ULBP2: variants seen among roughly 807,000 people sequenced by gnomAD.
ULBP2 encodes the protein UL16-binding protein 2.
A neutral mutation model predicts 23.6 loss-of-function variants in ULBP2; 21 were observed. That is an observed-to-expected ratio of 0.89 (90% confidence interval 0.63 to 1.28). The LOEUF (loss-of-function observed/expected upper bound fraction) is 1.28, where lower values mean the gene tolerates loss of function less well. Among genes scored for constraint, ULBP2 ranks in the 50% most tolerant of loss-of-function variants. ULBP2 has a pLI of 0.00. For missense variants in ULBP2, 251 were observed against 306.0 expected, an observed-to-expected ratio of 0.82 and a Z score of 1.34; for synonymous variants, 82 against 112.8, an observed-to-expected ratio of 0.73 and a Z score of 1.73.
At position 149,945,440 on chromosome 6, in the gene ULBP2, C is replaced by T. The variant is rs543109817; in HGVS notation, c.217C>T (p.Pro73Ser). The T allele has an allele frequency of 6.2e-7, 1 of 1,613,982 alleles. No homozygotes were observed. Among genetic ancestry groups the T allele is most frequent in the Non-Finnish European group, 8.5e-7 (1 of 1,179,890 alleles). The change falls in exon 2 of 5, where the codon CCT becomes TCT. Residue 73 changes from proline (P) to serine (S), a missense_variant. Physicochemically the swap from Pro to Ser is moderately conservative, Grantham distance 74. This residue lies in a region of ULBP2 where 248 missense variants were observed against 258.9 expected (regional missense o/e 0.96). Transcript: ENST00000367351. ...HYDCGNKTVTPVSPLGKKLNV... is the reference protein window; with the variant it reads ...HYDCGNKTVTSVSPLGKKLNV... The stretch of plus-strand genomic sequence containing the variant: ...TGACTGTGGCAACAAGACAGTCACA[C>T]CTGTCAGTCCCCTGGGGAAGAAACT...
chr6:149,943,849 G>T (rs922479463), intron 1 of ULBP2, among the ~76,000 whole-genome samples: 1 of 152,022 alleles, frequency 6.6e-6, no homozygotes, highest in Non-Finnish European at 1.5e-5. Context: ...ATTAGACATT[G>T]TGACCACATG....
rs1353664452 is a variant in ULBP2 at position 149,946,017 on chromosome 6, C to T, written c.350-355C>T. Among the ~76,000 whole-genome samples the T allele has an allele frequency of 7.4e-5, 11 of 148,994 alleles. 1 individual carries two copies. Among genetic ancestry groups the T allele is most frequent in the Non-Finnish European group, 1.3e-4 (9 of 67,758 alleles). On this transcript the variant is annotated intron_variant, in intron 2 of 4. Transcript: ENST00000367351. ...CAGCATTTTGGGAGGCTGAGGCAGG[C>T]GGATCACGAGGTTAAGAGATCGAGA...
intron 3 of ULBP2, 91 bp downstream of exon 3, chr6:149,946,744 A>T: frequency 1.3e-6 from 2 of 1,571,420 alleles, no homozygotes; most frequent in East Asian, 2.3e-5. Flanking sequence ...CAATCATCCC[A>T]GTATACACAT....
rs974621516 is a variant in ULBP2, at chr6:149,942,121, C to G, written c.49C>G (p.Leu17Val). ...GATCCTTCTGTGCCTCCCGCTTCTG[C>G]TCCTGCTGTCCGGCTGGTCCCGGGC... ...TKILLCLPLL[L>V]LLSGWSRAGR... The change falls in exon 1 of 5, where the codon CTC (leucine) becomes GTC (valine). Residue 17 changes from leucine to valine, a missense_variant. Physicochemically the swap from Leu to Val is conservative, Grantham distance 32 (BLOSUM62 1). Coordinates refer to ENST00000367351, the MANE Select transcript of ULBP2 (RefSeq NM_025217.4). 1.9e-6 allele frequency: 3 copies of G among 1,613,112 alleles called. No individual in the cohort carries two copies. In the African/African-American group the frequency reaches 4.0e-5, roughly 21 times the overall value.
At chr6:149,945,810 G>C (rs958748242) in intron 2 of ULBP2, among the ~76,000 whole-genome samples, 2 of 152,072 alleles carry the variant, frequency 1.3e-5, no homozygotes, top group African/African-American at 4.8e-5. Flanking sequence ...GCATGGTGGC[G>C]CATGCCTGTA....
chr6:149,948,278 A>G (rs1377877821), intron 4 of ULBP2, among the ~76,000 whole-genome samples: 1 of 152,122 alleles, frequency 6.6e-6, no homozygotes, highest in South Asian at 2.1e-4. Context: ...CCTTCAGAGC[A>G]ATGGGTGCTG....
chr6:149,944,706 C>T (rs1186442892), intron 1 of ULBP2, among the ~76,000 whole-genome samples: 2 of 132,010 alleles, frequency 1.5e-5, no homozygotes, highest in Admixed American at 7.7e-5. Context: ...TCTCTCCCTC[C>T]ACTACCTGCC....
chr6:149,948,303 A>T (rs983529783), intron 4 of ULBP2, among the ~76,000 whole-genome samples: 3 of 152,160 alleles, frequency 2.0e-5, no homozygotes, highest in Admixed American at 6.5e-5. Context: ...CAGTGTGAGG[A>T]GAGGCTCAAG....
At chr6:149,943,549 G>C (rs1186254571) in intron 1 of ULBP2, among the ~76,000 whole-genome samples, 1 of 152,166 alleles carries the variant, frequency 6.6e-6, no homozygotes, top group Non-Finnish European at 1.5e-5. Context: ...GCCCATCCCA[G>C]AAGAACCACC....
chr6:149,948,176 A>G (rs1384947020), intron 4 of ULBP2, among the ~76,000 whole-genome samples: 1 of 152,126 alleles, frequency 6.6e-6, no homozygotes, highest in African/African-American at 2.4e-5. Context: ...AGCAGAGTGG[A>G]CTCAGAGGAA....
chr6:149,943,252 C>G (rs1778890352), intron 1 of ULBP2, among the ~76,000 whole-genome samples: 1 of 152,012 alleles, frequency 6.6e-6, no homozygotes, highest in African/African-American at 2.4e-5. Context: ...TGCCCCATCC[C>G]CTATGGTGTC....
Position 149,946,388 on chromosome 6 carries a change from G to C in ULBP2, c.366G>C (p.Gln122His). ...NYTPKEPLTL[Q>H]ARMSCEQKAE... ...TGGGGGCAGAACCCCTCACCCTGCA[G>C]GCAAGGATGTCTTGTGAGCAGAAAG... The change falls in exon 3 of 5, where the codon CAG (glutamine) becomes CAC (histidine). Residue 122 changes from glutamine (Q) to histidine (H), a missense_variant. This residue lies in a region of ULBP2 where 248 missense variants were observed against 258.9 expected (regional missense o/e 0.96). Coordinates refer to ENST00000367351, the MANE Select transcript of ULBP2 (RefSeq NM_025217.4). 6.2e-7 allele frequency: 1 copy of C among 1,613,626 alleles called. No homozygotes were observed. Among genetic ancestry groups the C allele is most frequent in the Non-Finnish European group, 8.5e-7 (1 of 1,179,678 alleles).
At chr6:149,945,855 C>T (rs1163691524) in intron 2 of ULBP2, among the ~76,000 whole-genome samples, 2 of 151,292 alleles carry the variant, frequency 1.3e-5, no homozygotes, top group South Asian at 2.1e-4. Flanking sequence ...GCAGGAGGAT[C>T]CCTTGAACCC....
intron 1 of ULBP2, among the ~76,000 whole-genome samples, chr6:149,944,754 C>A (rs1171508642): frequency 7.3e-6 from 1 of 136,802 alleles, no homozygotes; most frequent in East Asian, 2.3e-4. Context: ...CTGTGTGGAC[C>A]ATCTCTTTGT....
chr6:149,946,929 A>G (rs62441761), intron 3 of ULBP2, among the ~76,000 whole-genome samples: 21,445 of 152,024 alleles, frequency 0.14, 1,598 homozygotes, highest in Admixed American at 0.23. Context: ...CACTGTTTTC[A>G]GACCTTTTTC....
intron 1 of ULBP2, among the ~76,000 whole-genome samples, chr6:149,943,461 G>A (rs182303265): frequency 2.6e-5 from 4 of 152,088 alleles, no homozygotes; most frequent in Non-Finnish European, 5.9e-5. Context: ...TGAGGGTGAG[G>A]GGGTGCAGCC....
At chr6:149,943,511 C>G (rs1397604332) in intron 1 of ULBP2, among the ~76,000 whole-genome samples, 2 of 152,156 alleles carry the variant, frequency 1.3e-5, no homozygotes, top group Non-Finnish European at 2.9e-5. Context: ...GCTTGTGCAG[C>G]TTCTTGGTTC....
At position 149,946,386 on chromosome 6, in the gene ULBP2, C is replaced by A. The variant is rs767533066; in HGVS notation, c.364C>A (p.Gln122Lys). 9 of 1,613,270 alleles carry A rather than the reference C, an allele frequency of 5.6e-6. No homozygotes were observed. Among genetic ancestry groups the A allele is most frequent in the East Asian group, 2.2e-5 (1 of 44,866 alleles). Residue 122 changes from glutamine to lysine, a missense_variant, in exon 3 of 5, where the codon CAG becomes AAG. Gln to Lys is a moderately conservative substitution (Grantham distance 53). This residue lies in a region of ULBP2 where 248 missense variants were observed against 258.9 expected (regional missense o/e 0.96). Transcript: ENST00000367351. Reference sequence around the variant, plus strand: ...GATGGGGGCAGAACCCCTCACCCTGCAGGCAAGGATGTCTTGTGAGCAGAA... The same window carrying A: ...GATGGGGGCAGAACCCCTCACCCTGAAGGCAAGGATGTCTTGTGAGCAGAA... ...NYTPKEPLTL[Q>K]ARMSCEQKAE... is the part of the protein sequence containing the mutation.
intron 4 of ULBP2, among the ~76,000 whole-genome samples, chr6:149,948,448 T>C (rs1778976381): frequency 6.6e-6 from 1 of 152,080 alleles, no homozygotes; most frequent in Non-Finnish European, 1.5e-5. Context: ...AGAGAGGGCC[T>C]TGAGTGAGGG....
Sources: allele counts gnomAD v4.1 joint callset (sites outside exome capture counted in the v4.1 genomes callset), GRCh38; gene constraint gnomAD v4.1.1; regional missense constraint gnomAD v4.1.1; transcripts MANE v1.5; gene names NCBI Gene and HGNC (gene_info 2026-07-23, HGNC 2026-07-21).